Variants in CPN1 observed in about 807,000 individuals in gnomAD.
CPN1 encodes the protein carboxypeptidase N catalytic chain.
A neutral mutation model predicts 46.4 loss-of-function variants in CPN1; 37 were observed. That is an observed-to-expected ratio of 0.80 (90% CI 0.61 to 1.05). The LOEUF is 1.05. CPN1 is among the 50% of genes least tolerant of loss of function. The probability of loss-of-function intolerance (pLI) is 0.00; values close to 1 mark genes in which losing one functional copy is unlikely to be tolerated. For synonymous variants in CPN1, 224 were observed against 235.4 expected, an observed-to-expected ratio of 0.95 and a Z score of 0.44; for missense variants, 563 against 602.6, an observed-to-expected ratio of 0.93 and a Z score of 0.69.
At chr10:100,077,836 C>T (rs931595587) in intron 1 of CPN1, among the ~76,000 whole-genome samples, 6 of 151,920 alleles carry the variant, frequency 3.9e-5, no homozygotes, top group Non-Finnish European at 7.4e-5. Flanking sequence ...TTCTTCACAT[C>T]CTTATTCAGT....
chr10:100,065,401 G>T (rs1469868691), intron 3 of CPN1, 31 bp from the exon 4 acceptor site: 1 of 1,613,018 alleles, frequency 6.2e-7, no homozygotes, highest in Admixed American at 1.7e-5. Flanking sequence ...GGCGGTGAAG[G>T]GCCAACTGGG....
At chr10:100,054,510 GTCTCAAAGCCCTT>G in intron 6 of CPN1, 64 bp from the exon 7 acceptor site, 1 of 1,312,912 alleles carries the variant, frequency 7.6e-7, no homozygotes, top group Non-Finnish European at 1.1e-6. Context: ...GTGTTTTAGA[GTCTCAAAGCCCTT>G]TCTCTTATGT....
chr10:100,047,953 T>C (rs1238932405), intron 8 of CPN1, among the ~76,000 whole-genome samples: 3 of 151,960 alleles, frequency 2.0e-5, no homozygotes, highest in Admixed American at 2.0e-4. Context: ...GATCATGCCA[T>C]TGCACTCCAG....
chr10:100,045,982 G>C (rs2041308716), intron 8 of CPN1, among the ~76,000 whole-genome samples: 1 of 152,140 alleles, frequency 6.6e-6, no homozygotes, highest in Non-Finnish European at 1.5e-5. Flanking sequence ...GTCCTCATTT[G>C]AGAAATCTGA....
intron 5 of CPN1, among the ~76,000 whole-genome samples, chr10:100,059,682 G>C (rs1304262233): frequency 6.6e-6 from 1 of 151,140 alleles, no homozygotes; most frequent in East Asian, 1.9e-4. Context: ...CAGTATGGTA[G>C]TTCCTCAAAA....
rs1458398107 is a variant in CPN1, at chr10:100,042,516, T to G, written c.1288A>C (p.Ser430Arg). 1.2e-6 allele frequency: 2 copies of G among 1,613,846 alleles called. No homozygotes were observed. Among genetic ancestry groups the G allele is most frequent in the Non-Finnish European group, 1.7e-6 (2 of 1,180,008 alleles). The change falls in exon 9 of 9, where the codon AGC (serine) becomes CGC (arginine). Residue 430 changes from serine (S) to arginine (R), a missense_variant. Physicochemically the swap from Ser to Arg is moderately radical, Grantham distance 110. Coordinates refer to ENST00000370418, the MANE Select transcript of CPN1 (RefSeq NM_001308.3). Reference protein sequence around the residue: ...PQVSPVRRAPSRRHGVRAKVQ... With the variant: ...PQVSPVRRAPRRRHGVRAKVQ... ...TTGGCTCTGACTCCGTGCCTTCTGCTGGGAGCTCTCCTCACAGGGCTTACT... is the reference window on the plus strand; with the variant it reads ...TTGGCTCTGACTCCGTGCCTTCTGCGGGGAGCTCTCCTCACAGGGCTTACT...
chr10:100,057,244 G>A (rs1446590568), intron 5 of CPN1, 92 bp from the exon 6 acceptor site: 1 of 1,447,040 alleles, frequency 6.9e-7, no homozygotes, highest in Non-Finnish European at 9.4e-7. Flanking sequence ...AAAATTTTCT[G>A]TTTTTATTTA....
At position 100,075,085 on chromosome 10, in the gene CPN1, T is replaced by A. The variant is rs1589479413; in HGVS notation, c.420+826A>T. On this transcript the variant is annotated intron_variant, in intron 2 of 8. Transcript: ENST00000370418. Reference sequence around the variant, plus strand: ...TGGGTGGATCACCTGAGGCCAGGAGTTCAAGACCAGCCTGGCCAACCTGGC... The same window carrying A: ...TGGGTGGATCACCTGAGGCCAGGAGATCAAGACCAGCCTGGCCAACCTGGC... 2.7e-5 allele frequency among the ~76,000 whole-genome samples: 4 copies of A among 150,344 alleles called. No homozygotes were observed. The South Asian group carries it at 8.5e-4, about 32-fold the overall frequency.
rs1283583124 is a variant in CPN1, at chr10:100,081,636, T to G, written c.-11A>C. ...GAGCAGGTCTGACATCTTGCTGGGC[T>G]TTTTCAAAGAGAGCCACTGAAACGC... On this transcript the variant is annotated 5_prime_UTR_variant, in exon 1 of 9. Coordinates refer to ENST00000370418, the MANE Select transcript of CPN1 (RefSeq NM_001308.3). The G allele has an allele frequency of 2.5e-6, 4 of 1,612,696 alleles. No individual in the cohort carries two copies. Among genetic ancestry groups the G allele is most frequent in the Non-Finnish European group, 3.4e-6 (4 of 1,179,084 alleles).
chr10:100,050,744 C>G (rs186563465), intron 7 of CPN1, among the ~76,000 whole-genome samples: 2 of 152,264 alleles, frequency 1.3e-5, no homozygotes, highest in East Asian at 3.9e-4. Context: ...CCTGCCTCAG[C>G]CTTTTGAATA....
chr10:100,062,899 C>T, intron 5 of CPN1, among the ~76,000 whole-genome samples: 1 of 151,768 alleles, frequency 6.6e-6, no homozygotes, highest in East Asian at 1.9e-4. Flanking sequence ...CCATGCCTGG[C>T]CTTATTATTC....
chr10:100,060,408 AAAAATTAG>A (rs2041409886), intron 5 of CPN1, among the ~76,000 whole-genome samples: 1 of 152,068 alleles, frequency 6.6e-6, no homozygotes, highest in African/African-American at 2.4e-5. Flanking sequence ...CTAAAAATAC[AAAAATTAG>A]CCAGGTGTGG....
chr10:100,064,865 T>C (rs1481382113), intron 4 of CPN1, among the ~76,000 whole-genome samples: 1 of 152,206 alleles, frequency 6.6e-6, no homozygotes, highest in Non-Finnish European at 1.5e-5. Flanking sequence ...CATAAAATTC[T>C]ACTTTAGACC....
chr10:100,047,267 G>A (rs1361486733), intron 8 of CPN1, among the ~76,000 whole-genome samples: 1 of 151,974 alleles, frequency 6.6e-6, no homozygotes, highest in Non-Finnish European at 1.5e-5. Context: ...CAAGGAAGAG[G>A]AGGAGATATC....
At chr10:100,065,118 T>C in intron 4 of CPN1, 70 bp downstream of exon 4, 3 of 1,550,168 alleles carry the variant, frequency 1.9e-6, no homozygotes, top group Non-Finnish European at 2.6e-6. Flanking sequence ...AAGGGTTCTG[T>C]GTTACTGACC....
chr10:100,056,048 A>C (rs1054101987), intron 6 of CPN1, among the ~76,000 whole-genome samples: 4 of 152,168 alleles, frequency 2.6e-5, no homozygotes, highest in African/African-American at 9.7e-5. Flanking sequence ...AGGAATTCTA[A>C]TTATTTGAGG....
chr10:100,059,720 C>T (rs1451975948), intron 5 of CPN1, among the ~76,000 whole-genome samples: 1 of 151,854 alleles, frequency 6.6e-6, no homozygotes, highest in Non-Finnish European at 1.5e-5. Context: ...ACCTTATGTC[C>T]AACAGTTCCA....
intron 2 of CPN1, among the ~76,000 whole-genome samples, chr10:100,075,378 C>A (rs1029215948): frequency 2.6e-5 from 4 of 152,154 alleles, no homozygotes; most frequent in Non-Finnish European, 4.4e-5. Context: ...AAGTGCTATA[C>A]TAGTAGAGGA....
chr10:100,054,841 CTTTTTTTT>C (rs56250435), intron 6 of CPN1, among the ~76,000 whole-genome samples: 2 of 132,760 alleles, frequency 1.5e-5, no homozygotes, highest in Non-Finnish European at 3.2e-5. Flanking sequence ...TTCTTTCTTT[CTTTTTTTT>C]TTTTTTTTTT....
Sources: allele counts gnomAD v4.1 joint callset (sites outside exome capture counted in the v4.1 genomes callset), GRCh38; gene constraint gnomAD v4.1.1; transcripts MANE v1.5; gene names NCBI Gene and HGNC (gene_info 2026-07-23, HGNC 2026-07-21).